Variants in SHISA6 observed in about 807,000 individuals in gnomAD.
SHISA6 encodes the protein protein shisa-6.
SHISA6 carries 22 observed loss-of-function variants against 47.9 expected under a neutral mutation model. The ratio of observed to expected loss-of-function variants is 0.46; its 90% confidence interval spans 0.33 to 0.66. The LOEUF (loss-of-function observed/expected upper bound fraction) is 0.66. Among genes scored for constraint, SHISA6 ranks in the 30% least tolerant of loss-of-function variants. SHISA6 has a pLI of 0.02. For synonymous variants in SHISA6, 388 were observed against 337.8 expected (o/e 1.15, Z -1.63); for missense variants, 680 against 764.6 (o/e 0.89, Z 1.30).
chr17:11,388,825 T>C (rs1283021487), intron 3 of SHISA6, among the ~76,000 whole-genome samples: 9 of 101,132 alleles, frequency 8.9e-5, no homozygotes, highest in South Asian at 3.7e-4. Flanking sequence ...TATATATATA[T>C]ATATATATAT....
rs143884178 is a variant in SHISA6, at chr17:11,392,377, G to A, written c.895+12868G>A. 1.3e-3 allele frequency among the ~76,000 whole-genome samples: 196 copies of A among 152,298 alleles called. 2 individuals carry two copies. The highest frequency in any genetic ancestry group is 4.4e-3 in the African/African-American group (184 of 41,570). ...TTAGGAGGTGGAGCCTAGTAGAGGG[G>A]TGTTGGCTCTTGGGGGAGGATTCCT... On this transcript the variant is annotated intron_variant, in intron 3 of 5. Transcript: ENST00000441885.
At chr17:11,334,531 C>G (rs1339580847) in intron 2 of SHISA6, among the ~76,000 whole-genome samples, 1 of 152,198 alleles carries the variant, frequency 6.6e-6, no homozygotes, top group Non-Finnish European at 1.5e-5. Context: ...TAGCTCTGCC[C>G]TCCAGGAGAG....
At chr17:11,516,169 A>G (rs1254451729) in intron 3 of SHISA6, among the ~76,000 whole-genome samples, 1 of 152,194 alleles carries the variant, frequency 6.6e-6, no homozygotes, top group African/African-American at 2.4e-5. Flanking sequence ...ACACCAGAGC[A>G]TTTCCTCAAG....
intron 3 of SHISA6, among the ~76,000 whole-genome samples, chr17:11,478,939 T>C (rs1375807106): frequency 2.0e-5 from 3 of 151,926 alleles, no homozygotes; most frequent in African/African-American, 7.3e-5. Context: ...TTAAAGTAGT[T>C]TTTCCCAATT....
chr17:11,280,822 C>A (rs375485698), intron 2 of SHISA6, among the ~76,000 whole-genome samples: 1 of 152,152 alleles, frequency 6.6e-6, no homozygotes, highest in African/African-American at 2.4e-5. Context: ...GGCATGAGAG[C>A]AAGTTAGAGA....
intron 1 of SHISA6, among the ~76,000 whole-genome samples, chr17:11,245,749 T>G (rs1042420035): frequency 5.3e-3 from 580 of 110,334 alleles, no homozygotes; most frequent in East Asian, 8.6e-3. Flanking sequence ...GTGGGCAGGG[T>G]GGGGGGGGTG....
At chr17:11,465,601 T>G (rs1915790694) in intron 3 of SHISA6, among the ~76,000 whole-genome samples, 1 of 152,092 alleles carries the variant, frequency 6.6e-6, no homozygotes, top group Non-Finnish European at 1.5e-5. Flanking sequence ...TCCTAGCTAC[T>G]GCCCCCAGGA....
intron 3 of SHISA6, among the ~76,000 whole-genome samples, chr17:11,452,336 C>T (rs1915422506): frequency 6.6e-6 from 1 of 152,204 alleles, no homozygotes; most frequent in African/African-American, 2.4e-5. Context: ...CTTTGTCCCC[C>T]ATGTGCTCAC....
intron 2 of SHISA6, among the ~76,000 whole-genome samples, chr17:11,373,108 C>T (rs2142239393): frequency 6.6e-6 from 1 of 151,484 alleles, no homozygotes; most frequent in South Asian, 2.1e-4. Context: ...TTGTGTACTG[C>T]TTGAAGATTA....
intron 2 of SHISA6, among the ~76,000 whole-genome samples, chr17:11,327,018 C>G (rs1338333476): frequency 6.6e-6 from 1 of 152,138 alleles, no homozygotes; most frequent in Non-Finnish European, 1.5e-5. Context: ...CATGTTAACC[C>G]TCTGGGTGGA....
At chr17:11,540,551 TG>T (rs2071825010) in intron 3 of SHISA6, among the ~76,000 whole-genome samples, 1 of 152,214 alleles carries the variant, frequency 6.6e-6, no homozygotes, top group South Asian at 2.1e-4. Context: ...CAGTGTCTCT[TG>T]GGGGTTCCAT....
chr17:11,361,686 G>A (rs1051460065), intron 2 of SHISA6, among the ~76,000 whole-genome samples: 6 of 152,130 alleles, frequency 3.9e-5, no homozygotes, highest in Middle Eastern at 3.2e-3. Context: ...AACATTCCAG[G>A]GCTCAGAGCT....
chr17:11,397,474 C>T (rs966649079), intron 3 of SHISA6, among the ~76,000 whole-genome samples: 4 of 149,140 alleles, frequency 2.7e-5, no homozygotes, highest in East Asian at 2.0e-4. Context: ...TTTGCCCAGT[C>T]CTCTCTTGGC....
At chr17:11,447,652 T>A (rs1466877690) in intron 3 of SHISA6, among the ~76,000 whole-genome samples, 1 of 152,240 alleles carries the variant, frequency 6.6e-6, no homozygotes, top group Non-Finnish European at 1.5e-5. Flanking sequence ...GTATAATACC[T>A]TTGCTGATTT....
At chr17:11,555,412 G>A (rs1173755215) in intron 4 of SHISA6, among the ~76,000 whole-genome samples, 3 of 152,140 alleles carry the variant, frequency 2.0e-5, no homozygotes, top group Non-Finnish European at 4.4e-5. Context: ...TGATTTTTAT[G>A]ATGCCCCTCA....
At chr17:11,307,153 C>CTTTTTTTTTTTTTTTTTTTTTTTTTTTT (rs1910146448) in intron 2 of SHISA6, among the ~76,000 whole-genome samples, 1 of 124,544 alleles carries the variant, frequency 8.0e-6, no homozygotes, top group Non-Finnish European at 1.8e-5. Context: ...CTTTTTTTTT[C>CTTTTTTTTTTTTTTTTTTTTTTTTTTTT]TTTTTTTCTT....
At chr17:11,262,065 A>T (rs1055262529) in intron 1 of SHISA6, among the ~76,000 whole-genome samples, 1 of 152,224 alleles carries the variant, frequency 6.6e-6, no homozygotes, top group African/African-American at 2.4e-5. Context: ...ACTAATATCT[A>T]GGTATATAAT....
intron 2 of SHISA6, among the ~76,000 whole-genome samples, chr17:11,361,975 G>C (rs1406060625): frequency 6.6e-6 from 1 of 152,148 alleles, no homozygotes; most frequent in Non-Finnish European, 1.5e-5. Context: ...CTGTTTCATG[G>C]AGGGAACAGA....
chr17:11,255,720 C>T (rs1485656574), intron 1 of SHISA6, among the ~76,000 whole-genome samples: 1 of 152,200 alleles, frequency 6.6e-6, no homozygotes, highest in Non-Finnish European at 1.5e-5. Context: ...CCCACGGCCA[C>T]AGCTGTGCTG....
Sources: gnomAD v4.1 joint callset for allele counts (sites outside exome capture counted in the v4.1 genomes callset) on GRCh38, gnomAD v4.1.1 for gene constraint, MANE v1.5 for transcripts, NCBI Gene and HGNC (gene_info 2026-07-23, HGNC 2026-07-21) for gene names.